SLC8A1: variants seen among roughly 807,000 people sequenced by gnomAD.
SLC8A1 encodes the protein sodium/calcium exchanger 1.
Under a neutral mutation model 68.3 loss-of-function variants are expected in SLC8A1, and 18 were observed. That is an observed-to-expected ratio of 0.26 (90% CI 0.18 to 0.39). The LOEUF (loss-of-function observed/expected upper bound fraction) is 0.39. Ranked by LOEUF, SLC8A1 falls within the 10% of genes least tolerant of loss-of-function variation. SLC8A1 has a pLI of 1.00. For missense variants in SLC8A1, 985 were observed against 1,156.7 expected, an observed-to-expected ratio of 0.85 and a Z score of 2.15; for synonymous variants, 475 against 415.5, an observed-to-expected ratio of 1.14 and a Z score of -1.74.
chr2:40,333,377 G>T (rs1429257369), intron 2 of SLC8A1, among the ~76,000 whole-genome samples: 1 of 147,044 alleles, frequency 6.8e-6, no homozygotes, highest in Non-Finnish European at 1.5e-5. Flanking sequence ...GGTGGAGGTT[G>T]CAGTGGGCCG....
At chr2:40,192,279 A>G (rs1182614826) in intron 2 of SLC8A1, among the ~76,000 whole-genome samples, 6 of 152,094 alleles carry the variant, frequency 3.9e-5, no homozygotes, top group Admixed American at 2.0e-4. Flanking sequence ...TATGAATATT[A>G]TAATATTCAT....
intron 2 of SLC8A1, among the ~76,000 whole-genome samples, chr2:40,403,718 G>T (rs1036384209): frequency 6.6e-6 from 1 of 152,132 alleles, no homozygotes; most frequent in Non-Finnish European, 1.5e-5. Flanking sequence ...ACTAGCTGAA[G>T]AACATTTATT....
chr2:40,307,144 T>C (rs1228262593), intron 2 of SLC8A1, among the ~76,000 whole-genome samples: 4 of 101,130 alleles, frequency 4.0e-5, no homozygotes, highest in East Asian at 4.2e-4. Context: ...GAAAATGTGA[T>C]ATACACACAC....
chr2:40,286,856 G>T (rs1459033068), intron 2 of SLC8A1, among the ~76,000 whole-genome samples: 1 of 152,186 alleles, frequency 6.6e-6, no homozygotes, highest in Non-Finnish European at 1.5e-5. Flanking sequence ...TCTGATCAAA[G>T]TTATGATTGA....
intron 2 of SLC8A1, among the ~76,000 whole-genome samples, chr2:40,178,032 T>C (rs1171574776): frequency 6.6e-6 from 1 of 152,208 alleles, no homozygotes; most frequent in African/African-American, 2.4e-5. Context: ...CATTAAGTTT[T>C]CTTTGCTAAT....
intron 1 of SLC8A1, among the ~76,000 whole-genome samples, chr2:40,500,922 A>C (rs1706025624): frequency 6.8e-6 from 1 of 146,058 alleles, no homozygotes; most frequent in Non-Finnish European, 1.5e-5. Context: ...ATAATCCTCC[A>C]GTGGCTTCTA....
At chr2:40,315,478 G>C (rs866067876) in intron 2 of SLC8A1, among the ~76,000 whole-genome samples, 11 of 131,086 alleles carry the variant, frequency 8.4e-5, no homozygotes, top group African/African-American at 3.1e-4. Context: ...GGCTATCCCT[G>C]TTACAACTGC....
rs765403505 is a variant in SLC8A1, at chr2:40,347,730, A to G, written c.1808+80743T>C. On this transcript the variant is annotated intron_variant, in intron 2 of 7. Coordinates refer to ENST00000406785, the Ensembl canonical transcript of SLC8A1. Reference sequence around the variant, plus strand: ...CTTTCGAAATATTGTGTATTAATTTAGTTTATGACTCTTGAAACAAACTCC... The same window carrying G: ...CTTTCGAAATATTGTGTATTAATTTGGTTTATGACTCTTGAAACAAACTCC... 1.2e-4 allele frequency among the ~76,000 whole-genome samples: 19 copies of G among 152,350 alleles called. No individual in the cohort carries two copies. The Middle Eastern group carries it at 0.01, about 82-fold the overall frequency.
chr2:40,306,730 C>T (rs1287983253), intron 2 of SLC8A1, among the ~76,000 whole-genome samples: 1 of 152,110 alleles, frequency 6.6e-6, no homozygotes, highest in East Asian at 1.9e-4. Context: ...AATTACTGCA[C>T]GTAAGTAGAA....
intron 7 of SLC8A1, among the ~76,000 whole-genome samples, chr2:40,133,598 C>T (rs1195072892): frequency 6.6e-6 from 1 of 151,928 alleles, no homozygotes; most frequent in Non-Finnish European, 1.5e-5. Context: ...CCAGTAGCAA[C>T]CAGCTGGTAG....
At chr2:40,199,970 C>T (rs2053815720) in intron 2 of SLC8A1, among the ~76,000 whole-genome samples, 1 of 149,780 alleles carries the variant, frequency 6.7e-6, no homozygotes, top group Admixed American at 6.7e-5. Flanking sequence ...GTTTTCATAA[C>T]AAAGTCAGCT....
chr2:40,389,986 T>G (rs116213556), intron 2 of SLC8A1, among the ~76,000 whole-genome samples: 4,212 of 151,922 alleles, frequency 0.028, 87 homozygotes, highest in Non-Finnish European at 0.041. Flanking sequence ...AACTAACATG[T>G]TATAAACATT....
intron 2 of SLC8A1, among the ~76,000 whole-genome samples, chr2:40,322,821 AACACACACACACAC>A (rs5830620): frequency 4.5e-4 from 67 of 147,626 alleles, no homozygotes; most frequent in Non-Finnish European, 6.5e-4. Flanking sequence ...TTTATTGGGT[AACACACACACACAC>A]ACACACACAC....
At chr2:40,381,301 G>A (rs1314575427) in intron 2 of SLC8A1, among the ~76,000 whole-genome samples, 1 of 151,936 alleles carries the variant, frequency 6.6e-6, no homozygotes, top group Non-Finnish European at 1.5e-5. Context: ...CCACATGCTT[G>A]GCTGAAATTA....
At chr2:40,293,797 G>C (rs1359672666) in intron 2 of SLC8A1, among the ~76,000 whole-genome samples, 1 of 152,062 alleles carries the variant, frequency 6.6e-6, no homozygotes, top group Non-Finnish European at 1.5e-5. Context: ...AGGGTATGTA[G>C]ACTTATCTAT....
chr2:40,201,136 T>G (rs1458467863), intron 2 of SLC8A1, among the ~76,000 whole-genome samples: 1 of 151,762 alleles, frequency 6.6e-6, no homozygotes, highest in Non-Finnish European at 1.5e-5. Context: ...AAGAAAAAAG[T>G]TATCCATAAA....
intron 2 of SLC8A1, among the ~76,000 whole-genome samples, chr2:40,393,208 C>A (rs1234613757): frequency 1.3e-5 from 2 of 148,826 alleles, no homozygotes; most frequent in Non-Finnish European, 3.0e-5. Flanking sequence ...CTATTTTTTT[C>A]TGAAAATTCC....
At chr2:40,097,986 A>G (rs1053606196) in exon 8 of SLC8A1, 1 of 135,960 alleles carries the variant, frequency 7.4e-6, no homozygotes, top group Admixed American at 7.2e-5. Flanking sequence ...CTTAACAAAT[A>G]TTATGTTTTT....
chr2:40,248,939 T>C (rs952975653), intron 2 of SLC8A1, among the ~76,000 whole-genome samples: 1 of 152,190 alleles, frequency 6.6e-6, no homozygotes, highest in African/African-American at 2.4e-5. Context: ...CCTCGTGATG[T>C]CTTTTAATTT....
Sources: gnomAD v4.1 joint callset for allele counts (sites outside exome capture counted in the v4.1 genomes callset) on GRCh38, gnomAD v4.1.1 for gene constraint, MANE v1.5 for transcripts, NCBI Gene and HGNC (gene_info 2026-07-23, HGNC 2026-07-21) for gene names.